SLX4IP: variants seen among roughly 807,000 people sequenced by gnomAD.
SLX4IP encodes the protein SLX4 interacting protein.
SLX4IP carries 34 observed loss-of-function variants against 32.9 expected under a neutral mutation model. The ratio of observed to expected loss-of-function variants is 1.03; its 90% confidence interval spans 0.79 to 1.38. SLX4IP has a LOEUF of 1.38. Ranked by LOEUF, SLX4IP falls within the 40% of genes most tolerant of loss-of-function variation. The pLI is 0.00. For missense variants in SLX4IP, 444 were observed against 479.0 expected, an observed-to-expected ratio of 0.93 and a Z score of 0.68; for synonymous variants, 172 against 171.7, an observed-to-expected ratio of 1.00 and a Z score of -0.01.
chr20:10,488,348 A>G (rs1159689300), intron 2 of SLX4IP, among the ~76,000 whole-genome samples: 1 of 152,144 alleles, frequency 6.6e-6, no homozygotes, highest in Admixed American at 6.6e-5. Context: ...TCAACAAGCC[A>G]AGGAACACCT....
intron 2 of SLX4IP, among the ~76,000 whole-genome samples, chr20:10,524,854 G>T (rs1467710501): frequency 1.3e-5 from 2 of 152,140 alleles, no homozygotes; most frequent in African/African-American, 4.8e-5. Flanking sequence ...CTCCTGCTCA[G>T]TCATACTTGC....
At chr20:10,514,826 T>A (rs1423777274) in intron 2 of SLX4IP, among the ~76,000 whole-genome samples, 4 of 152,134 alleles carry the variant, frequency 2.6e-5, no homozygotes, top group Non-Finnish European at 5.9e-5. Flanking sequence ...TAGTTTTGTA[T>A]TTTTTAGGTG....
intron 6 of SLX4IP, among the ~76,000 whole-genome samples, chr20:10,610,149 G>C (rs915467717): frequency 1.3e-5 from 2 of 152,074 alleles, no homozygotes; most frequent in South Asian, 4.1e-4. Flanking sequence ...TTGAGGGTAG[G>C]TGAATGTAAA....
Position 10,623,387 on chromosome 20 carries a change from G to C in SLX4IP, c.*8G>C. The C allele has an allele frequency of 6.2e-7, 1 of 1,606,308 alleles. No homozygotes were observed. Among genetic ancestry groups the C allele is most frequent in the East Asian group, 2.2e-5 (1 of 44,826 alleles). ...TACGAAAGAGGCCATTAACACCGAA[G>C]AGGTTTGTACCGTTGGAGTTGAGGA... On this transcript the variant is annotated 3_prime_UTR_variant, in exon 8 of 8. Coordinates refer to ENST00000334534, the MANE Select transcript of SLX4IP (RefSeq NM_001009608.3).
At chr20:10,557,311 A>G (rs1381249973) in intron 3 of SLX4IP, among the ~76,000 whole-genome samples, 1 of 152,226 alleles carries the variant, frequency 6.6e-6, no homozygotes, top group Non-Finnish European at 1.5e-5. Flanking sequence ...ATACATTTTC[A>G]TTCAAAGGAT....
chr20:10,558,609 A>T (rs150224210), intron 3 of SLX4IP, among the ~76,000 whole-genome samples: 82 of 152,302 alleles, frequency 5.4e-4, no homozygotes, highest in Middle Eastern at 6.8e-3. Context: ...AACTAATTAC[A>T]TGTATTAACA....
intron 2 of SLX4IP, among the ~76,000 whole-genome samples, chr20:10,510,898 C>A (rs1280163725): frequency 6.6e-6 from 1 of 152,198 alleles, no homozygotes; most frequent in Non-Finnish European, 1.5e-5. Flanking sequence ...GCCATCGCAC[C>A]CGGCGGTGCC....
intron 2 of SLX4IP, among the ~76,000 whole-genome samples, chr20:10,468,570 A>T (rs1323993691): frequency 2.6e-5 from 4 of 152,070 alleles, no homozygotes; most frequent in African/African-American, 7.2e-5. Context: ...AAACTAATGC[A>T]TTTGCATTTC....
At chr20:10,580,922 A>C (rs1343199594) in intron 4 of SLX4IP, among the ~76,000 whole-genome samples, 1 of 152,128 alleles carries the variant, frequency 6.6e-6, no homozygotes, top group Admixed American at 6.5e-5. Flanking sequence ...ATAGCTCACC[A>C]TGAATGTGAT....
intron 3 of SLX4IP, among the ~76,000 whole-genome samples, chr20:10,558,950 A>C (rs1201447573): frequency 1.3e-5 from 2 of 152,148 alleles, no homozygotes; most frequent in Non-Finnish European, 2.9e-5. Context: ...CTAGAGGGAG[A>C]AAGTTTGTGT....
chr20:10,473,684 C>G (rs551242478), intron 2 of SLX4IP, among the ~76,000 whole-genome samples: 64 of 151,974 alleles, frequency 4.2e-4, no homozygotes, highest in African/African-American at 1.5e-3. Context: ...CTCACTGCAA[C>G]CTTCACCTCC....
intron 2 of SLX4IP, among the ~76,000 whole-genome samples, chr20:10,540,225 T>C (rs1225239977): frequency 1.3e-5 from 2 of 151,524 alleles, no homozygotes; most frequent in African/African-American, 2.4e-5. Context: ...CTTCTTTTTG[T>C]TTTTTTAATA....
At chr20:10,461,866 C>T (rs1465507702) in intron 2 of SLX4IP, among the ~76,000 whole-genome samples, 1 of 152,212 alleles carries the variant, frequency 6.6e-6, no homozygotes, top group Non-Finnish European at 1.5e-5. Flanking sequence ...CAGCCTTGAC[C>T]TCCTGGGCTT....
chr20:10,612,337 A>C (rs983581987), intron 6 of SLX4IP, among the ~76,000 whole-genome samples: 4 of 152,158 alleles, frequency 2.6e-5, no homozygotes, highest in African/African-American at 9.7e-5. Context: ...AACAATGAAC[A>C]TGAGACCTTA....
At chr20:10,570,543 T>G (rs1430235129) in intron 4 of SLX4IP, among the ~76,000 whole-genome samples, 1 of 152,142 alleles carries the variant, frequency 6.6e-6, no homozygotes, top group East Asian at 1.9e-4. Context: ...TTTTTCTTTT[T>G]TTTGAGGCGG....
Position 10,622,660 on chromosome 20 carries a change from G to A in SLX4IP, c.508G>A (p.Val170Met). The A allele has an allele frequency of 1.2e-6, 2 of 1,602,100 alleles. No individual in the cohort carries two copies. Among genetic ancestry groups the A allele is most frequent in the Non-Finnish European group, 8.5e-7 (1 of 1,174,904 alleles). The change falls in exon 8 of 8, where the codon GTG (valine) becomes ATG (methionine). Residue 170 changes from valine to methionine, a missense_variant and splice_region_variant. By Grantham distance (21) the Val-to-Met change is conservative (BLOSUM62 1). Transcript: ENST00000334534. The part of the protein sequence containing the change: ...KLRRNALKEI[V>M]KRTETKSSVT... ...TAAAATCATTTTTGTTTGTTTCAGT[G>A]TGAAAAGAACTGAAACAAAAAGCAG...
At chr20:10,514,268 AT>A (rs2065833006) in intron 2 of SLX4IP, among the ~76,000 whole-genome samples, 1 of 152,094 alleles carries the variant, frequency 6.6e-6, no homozygotes, top group Non-Finnish European at 1.5e-5. Context: ...TATTTGGTGC[AT>A]TTTCCCAGAT....
At chr20:10,469,714 A>G (rs996245740) in intron 2 of SLX4IP, among the ~76,000 whole-genome samples, 1 of 152,142 alleles carries the variant, frequency 6.6e-6, no homozygotes, top group Admixed American at 6.6e-5. Flanking sequence ...CATTGTTCCA[A>G]TGTTTTATAA....
intron 1 of SLX4IP, among the ~76,000 whole-genome samples, chr20:10,444,737 G>A (rs762359273): frequency 6.6e-6 from 1 of 152,152 alleles, no homozygotes; most frequent in Non-Finnish European, 1.5e-5. Context: ...AAGGTAGAGA[G>A]GCTGGGGAGC....
Sources: allele counts gnomAD v4.1 joint callset (sites outside exome capture counted in the v4.1 genomes callset), GRCh38; gene constraint gnomAD v4.1.1; transcripts MANE v1.5; gene names NCBI Gene and HGNC (gene_info 2026-07-23, HGNC 2026-07-21).